Variants in MYOM3 observed in about 807,000 individuals in gnomAD.
The protein encoded by MYOM3 is myomesin 3.
A neutral mutation model predicts 191.7 loss-of-function variants in MYOM3; 155 were observed. The ratio of observed to expected loss-of-function variants is 0.81; its 90% CI spans 0.71 to 0.92. MYOM3 has a LOEUF of 0.92. Ranked by LOEUF, MYOM3 falls within the 40% of genes least tolerant of loss-of-function variation. The probability of loss-of-function intolerance (pLI) is 0.00; values close to 1 mark genes in which losing one functional copy is unlikely to be tolerated. For synonymous variants in MYOM3, 757 were observed against 762.9 expected (o/e 0.99, Z 0.13); for missense variants, 1,889 against 1,890.6 (o/e 1.00, Z 0.02).
chr1:24,059,388 G>T (rs185481887), intron 35 of MYOM3, among the ~76,000 whole-genome samples: 14 of 152,370 alleles, frequency 9.2e-5, no homozygotes, highest in African/African-American at 3.1e-4. Context: ...TCCTGCCTTG[G>T]CCTCCCAGAG....
chr1:24,078,385 G>C (rs1339142247), intron 20 of MYOM3, among the ~76,000 whole-genome samples: 1 of 152,154 alleles, frequency 6.6e-6, no homozygotes, highest in Non-Finnish European at 1.5e-5. Flanking sequence ...CTAGAGTGCT[G>C]GGATTACAGG....
At chr1:24,105,394 C>T (rs1326725777) in intron 5 of MYOM3, among the ~76,000 whole-genome samples, 3 of 152,170 alleles carry the variant, frequency 2.0e-5, no homozygotes, top group Non-Finnish European at 4.4e-5. Flanking sequence ...CTCCGTAGGC[C>T]CTTCCCTTCC....
intron 15 of MYOM3, among the ~76,000 whole-genome samples, 157 bp from the exon 16 acceptor site, chr1:24,084,796 T>C (rs1483242250): frequency 6.6e-6 from 1 of 152,140 alleles, no homozygotes; most frequent in African/African-American, 2.4e-5. Flanking sequence ...ACCTCTTCCC[T>C]AGGCCCAGAA....
intron 15 of MYOM3, among the ~76,000 whole-genome samples, chr1:24,085,280 A>AGATGGATGGATG (rs55900087): frequency 4.4e-5 from 6 of 137,704 alleles, no homozygotes; most frequent in African/African-American, 8.1e-5. Context: ...ATGGATGGAT[A>AGATGGATGGATG]GATGGATGGA....
chr1:24,078,936 T>C (rs376485897), intron 20 of MYOM3, among the ~76,000 whole-genome samples: 1 of 152,252 alleles, frequency 6.6e-6, no homozygotes, highest in Non-Finnish European at 1.5e-5. Context: ...ACCTCCTGCA[T>C]GTGTGGAAGT....
chr1:24,090,703 G>A (rs891164416), intron 12 of MYOM3, 94 bp downstream of exon 12: 30 of 1,275,222 alleles, frequency 2.4e-5, no homozygotes, highest in Admixed American at 1.5e-4. Context: ...ACCAGACTCG[G>A]GGCTCCTGAG....
In MYOM3 at chr1:24,056,817, G is replaced by C. The variant is rs1643307115; in HGVS notation, c.*547C>G. On this transcript the variant is annotated 3_prime_UTR_variant, in exon 37 of 37. Transcript: ENST00000374434. ...CCTGGAGTTGTTTGCGCCCAGGTCTGTTTCTCCCACTGGACTGAGGCCTCT... is the reference window on the plus strand; with the variant it reads ...CCTGGAGTTGTTTGCGCCCAGGTCTCTTTCTCCCACTGGACTGAGGCCTCT... The C allele has an allele frequency of 6.5e-6, 1 of 153,276 alleles. No homozygotes were observed. The highest frequency in any genetic ancestry group is 1.5e-5 in the Non-Finnish European group (1 of 68,868). The allele number at this position is 153,276 out of a possible 1,614,324, so 9.5% of individuals were successfully genotyped here. A position where few individuals can be genotyped will look rare whatever the true frequency, so the allele number is the denominator to read the frequency against.
chr1:24,105,445 G>A (rs964881295), intron 5 of MYOM3, among the ~76,000 whole-genome samples: 7 of 152,212 alleles, frequency 4.6e-5, no homozygotes, highest in Non-Finnish European at 1.0e-4. Context: ...CTGCTACTTG[G>A]CCCCTGTCCT....
chr1:24,057,204 T>G lies in MYOM3; in HGVS notation c.*160A>C, dbSNP rs1180576569. Reference sequence around the variant, plus strand: ...CCAGAAAGATCTTTGCTTCTCCACTTTGGTGCATCCGCTCCACCCCCACCC... The same window carrying G: ...CCAGAAAGATCTTTGCTTCTCCACTGTGGTGCATCCGCTCCACCCCCACCC... On this transcript the variant is annotated 3_prime_UTR_variant, in exon 37 of 37. Transcript: ENST00000374434. 8 of 713,576 alleles carry G rather than the reference T, an allele frequency of 1.1e-5. No homozygotes were observed. The highest frequency in any genetic ancestry group is 1.8e-5 in the Non-Finnish European group (8 of 441,202). The allele number at this position is 713,576 out of a possible 1,614,324, so 44.2% of individuals were successfully genotyped here.
intron 35 of MYOM3, 138 bp downstream of exon 35, chr1:24,060,922 T>C (rs919021650): frequency 4.3e-6 from 4 of 930,360 alleles, no homozygotes; most frequent in South Asian, 3.0e-5. Flanking sequence ...AGGTCTTCCC[T>C]GCAGCTCTGT....
chr1:24,068,388 A>G, intron 25 of MYOM3, 21 bp from the exon 26 acceptor site: 1 of 1,613,896 alleles, frequency 6.2e-7, no homozygotes, highest in Non-Finnish European at 8.5e-7. Context: ...CAAACTCCAG[A>G]GTCCTTTTCC....
chr1:24,105,670 G>A lies in MYOM3; in HGVS notation c.560+250C>T, dbSNP rs139590102. Among the ~76,000 whole-genome samples the A allele has an allele frequency of 4.4e-3, 670 of 152,318 alleles. 7 individuals carry two copies. Among genetic ancestry groups the A allele is most frequent in the African/African-American group, 0.015 (615 of 41,580 alleles). On this transcript the variant is annotated intron_variant, in intron 5 of 36. Coordinates refer to ENST00000374434, the MANE Select transcript of MYOM3 (RefSeq NM_152372.4). ...GCTACTTGGGAGGCTGAGATGGGAG[G>A]ATCACTTGAGCCCAGGAGTCAAGAC...
chr1:24,076,344 C>T (rs975877808), intron 20 of MYOM3, 71 bp from the exon 21 acceptor site: 4 of 1,090,056 alleles, frequency 3.7e-6, no homozygotes, highest in Admixed American at 3.4e-5. Context: ...CCCCAGGGAG[C>T]AGGGAGCCAC....
At chr1:24,110,339 C>CGTGTGTGTGTGGGCGTGCAT (rs1553158494) in intron 1 of MYOM3, among the ~76,000 whole-genome samples, 1 of 151,384 alleles carries the variant, frequency 6.6e-6, no homozygotes, top group Non-Finnish European at 1.5e-5. Flanking sequence ...GAGGTGGCAG[C>CGTGTGTGTGTGGGCGTGCAT]GTGTGTGTGT....
intron 28 of MYOM3, 79 bp downstream of exon 28, chr1:24,066,942 C>G: frequency 7.5e-7 from 1 of 1,333,526 alleles, no homozygotes; most frequent in African/African-American, 1.5e-5. Flanking sequence ...GCCGGGTGGG[C>G]AGGGACAGCA....
chr1:24,108,283 T>A, intron 2 of MYOM3, 193 bp downstream of exon 2: 1 of 738,452 alleles, frequency 1.4e-6, no homozygotes, highest in Non-Finnish European at 2.1e-6. Context: ...AGGACAGGGC[T>A]GTGCCTCTTC....
intron 29 of MYOM3, among the ~76,000 whole-genome samples, chr1:24,065,485 T>C (rs1459942988): frequency 1.3e-5 from 2 of 152,118 alleles, no homozygotes; most frequent in Non-Finnish European, 2.9e-5. Context: ...ACTCCTAGAC[T>C]GTTGGGGCAG....
intron 15 of MYOM3, among the ~76,000 whole-genome samples, chr1:24,086,118 G>A (rs983477197): frequency 3.3e-5 from 5 of 152,208 alleles, no homozygotes; most frequent in Non-Finnish European, 5.9e-5. Context: ...GGAGCCAGAG[G>A]TGGGAGCAGT....
At chr1:24,100,518 C>T (rs1643904377) in intron 5 of MYOM3, among the ~76,000 whole-genome samples, 1 of 152,150 alleles carries the variant, frequency 6.6e-6, no homozygotes, top group South Asian at 2.1e-4. Flanking sequence ...AGACCCCTGC[C>T]GCTCTTCCCA....
Sources: allele counts gnomAD v4.1 joint callset (sites outside exome capture counted in the v4.1 genomes callset), GRCh38; gene constraint gnomAD v4.1.1; transcripts MANE v1.5; gene names NCBI Gene and HGNC (gene_info 2026-07-23, HGNC 2026-07-21).